Variants in RFX2 observed in about 807,000 individuals in gnomAD.
RFX2 encodes the protein DNA-binding protein RFX2.
In RFX2, 20 loss-of-function variants were observed where a neutral mutation model predicts 87.8. The observed-to-expected ratio is 0.23, with a 90% confidence interval of 0.16 to 0.33. The LOEUF (loss-of-function observed/expected upper bound fraction) is 0.33. RFX2 is among the 10% of genes least tolerant of loss of function. RFX2 has a pLI of 1.00. For missense variants in RFX2, 767 were observed against 1,012.3 expected, an observed-to-expected ratio of 0.76 and a Z score of 3.29; for synonymous variants, 397 against 431.3, an observed-to-expected ratio of 0.92 and a Z score of 0.98.
intron 5 of RFX2, among the ~76,000 whole-genome samples, chr19:6,032,533 G>A (rs1025280151): frequency 6.6e-6 from 1 of 152,226 alleles, no homozygotes; most frequent in Non-Finnish European, 1.5e-5. Context: ...AAAGCCCAAC[G>A]CTGTGGTCCA....
At chr19:6,099,631 A>G (rs1392054557) in intron 1 of RFX2, among the ~76,000 whole-genome samples, 1 of 152,126 alleles carries the variant, frequency 6.6e-6, no homozygotes, top group Non-Finnish European at 1.5e-5. Context: ...AGCCCTATGT[A>G]CAACATAGCC....
At chr19:6,037,211 G>A (rs941911555) in intron 5 of RFX2, among the ~76,000 whole-genome samples, 5 of 151,652 alleles carry the variant, frequency 3.3e-5, no homozygotes, top group Non-Finnish European at 7.4e-5. Context: ...GTGAACCTGG[G>A]AGGCGGAGCT....
intron 16 of RFX2, 129 bp from the exon 17 acceptor site, chr19:5,995,772 G>T: frequency 1.2e-6 from 1 of 821,060 alleles, no homozygotes; most frequent in Non-Finnish European, 2.0e-6. Flanking sequence ...GCTGGGGCCT[G>T]CCCTGAAATG....
chr19:6,061,895 T>G lies in RFX2; in HGVS notation c.-8-14391A>C, dbSNP rs1197199187. ...CCCAGCAGGTGCCTGATCAATGAAA[T>G]ATGTCCTAGGCAGGGGCGGGAGGAT... On this transcript the variant is annotated intron_variant, in intron 1 of 17. Transcript: ENST00000303657. The surrounding 1 kb of genome is among the most constrained non-coding windows in gnomAD (Gnocchi z 5.2). 1.3e-5 allele frequency among the ~76,000 whole-genome samples: 2 copies of G among 151,622 alleles called. No individual in the cohort carries two copies. Among genetic ancestry groups the G allele is most frequent in the Non-Finnish European group, 2.9e-5 (2 of 67,900 alleles).
chr19:6,072,981 A>ATT, intron 1 of RFX2: 3 of 611,382 alleles, frequency 4.9e-6, no homozygotes, highest in South Asian at 1.6e-5. Context: ...AGGACCAGAT[A>ATT]TTTTTTTTTC....
rs1318446976 is a variant in RFX2, at chr19:6,003,777, T to TGAA, written c.1500+423_1500+424insTTC. On this transcript the variant is annotated intron_variant, in intron 13 of 17. Coordinates refer to ENST00000303657, the MANE Select transcript of RFX2 (RefSeq NM_000635.4). ...CTGGGCGACAGAGTGAGACTCTGTC[T>TGAA]CAAAAAAAAAAAAAAAAAAAAAAAA... Among the ~76,000 whole-genome samples, 58 of 32,858 alleles carry TGAA rather than the reference T, an allele frequency of 1.8e-3. 1 individual carries two copies. Among genetic ancestry groups the TGAA allele is most frequent in the Middle Eastern group, 0.025 (1 of 40 alleles). The allele number at this position is 32,858 out of a possible 152,430, so 21.6% of individuals were successfully genotyped here.
chr19:6,036,804 G>A (rs988258355), intron 5 of RFX2, among the ~76,000 whole-genome samples: 2 of 152,070 alleles, frequency 1.3e-5, no homozygotes, highest in African/African-American at 2.4e-5. Context: ...ACAGACTGAC[G>A]GCTTTTCCCT....
chr19:6,084,628 T>C (rs973428819), intron 1 of RFX2, among the ~76,000 whole-genome samples: 2 of 131,932 alleles, frequency 1.5e-5, no homozygotes, highest in African/African-American at 4.0e-5. Flanking sequence ...TGTCCTTTTT[T>C]TTCTTTCTTT....
chr19:6,093,363 C>A (rs370556737), intron 1 of RFX2, among the ~76,000 whole-genome samples: 1 of 152,024 alleles, frequency 6.6e-6, no homozygotes, highest in Non-Finnish European at 1.5e-5. Context: ...GGTGAAACCC[C>A]GTCTCTACTA....
intron 1 of RFX2, among the ~76,000 whole-genome samples, chr19:6,102,555 C>G (rs2088143854): frequency 6.6e-6 from 1 of 152,250 alleles, no homozygotes; most frequent in Admixed American, 6.5e-5. Context: ...TTGCCCATGG[C>G]CTCCAAGGCC....
At chr19:6,042,197 G>A (rs2087120234) in intron 3 of RFX2, 74 bp from the exon 4 acceptor site, 10 of 1,320,960 alleles carry the variant, frequency 7.6e-6, no homozygotes, top group Non-Finnish European at 8.7e-6. Flanking sequence ...CAAGCTAGAC[G>A]TGTCTTCTAT....
At chr19:6,059,972 C>G (rs1208277054) in intron 1 of RFX2, among the ~76,000 whole-genome samples, 6 of 152,204 alleles carry the variant, frequency 3.9e-5, no homozygotes, top group Admixed American at 3.3e-4. Flanking sequence ...GGGGGGGAGC[C>G]TGTGTTCACA....
chr19:6,070,365 CA>C (rs1444089685), intron 1 of RFX2, among the ~76,000 whole-genome samples: 1 of 151,710 alleles, frequency 6.6e-6, no homozygotes, highest in Non-Finnish European at 1.5e-5. Context: ...AAGGTGACAC[CA>C]AGTCATAGTC....
At chr19:6,081,681 G>A (rs904284854) in intron 1 of RFX2, among the ~76,000 whole-genome samples, 2 of 152,178 alleles carry the variant, frequency 1.3e-5, no homozygotes, top group African/African-American at 4.8e-5. Flanking sequence ...GGCTGGGCGC[G>A]GCGGCTCATG....
intron 16 of RFX2, among the ~76,000 whole-genome samples, chr19:5,996,607 T>A (rs1358264737): frequency 6.6e-6 from 1 of 152,242 alleles, no homozygotes; most frequent in African/African-American, 2.4e-5. Flanking sequence ...GACGGAATGT[T>A]CTGGAACTGG....
At chr19:6,094,545 T>C (rs1344062520) in intron 1 of RFX2, among the ~76,000 whole-genome samples, 6 of 152,316 alleles carry the variant, frequency 3.9e-5, no homozygotes, top group South Asian at 4.1e-4. Flanking sequence ...GCCAATATAG[T>C]GGTCACCTTT....
At chr19:6,062,873 G>A (rs745837356) in intron 1 of RFX2, among the ~76,000 whole-genome samples, 69 of 152,174 alleles carry the variant, frequency 4.5e-4, no homozygotes, top group South Asian at 6.2e-4. Flanking sequence ...TTCCCTGTGC[G>A]TTTAAAGCAG....
At chr19:6,075,029 T>C (rs2087669914) in intron 1 of RFX2, among the ~76,000 whole-genome samples, 1 of 151,994 alleles carries the variant, frequency 6.6e-6, no homozygotes, top group African/African-American at 2.4e-5. Flanking sequence ...CAGAGAGCTC[T>C]CTCTGGCTTC....
chr19:6,049,967 G>A (rs1409497982), intron 1 of RFX2, among the ~76,000 whole-genome samples: 1 of 152,210 alleles, frequency 6.6e-6, no homozygotes, highest in Non-Finnish European at 1.5e-5. Flanking sequence ...TATCCTGAAG[G>A]GTCAGAGGAC....
Sources: allele counts gnomAD v4.1 joint callset (sites outside exome capture counted in the v4.1 genomes callset), GRCh38; gene constraint gnomAD v4.1.1; non-coding constraint Gnocchi (gnomAD v3.1); transcripts MANE v1.5; gene names NCBI Gene and HGNC (gene_info 2026-07-23, HGNC 2026-07-21).